The following ANKRD45 variants were observed in gnomAD, a reference collection of about 807,000 sequenced individuals.
ANKRD45 encodes ankyrin repeat domain-containing protein 45.
ANKRD45 carries 21 observed loss-of-function variants against 28.1 expected under a neutral mutation model. The ratio of observed to expected loss-of-function variants is 0.75; its 90% CI spans 0.53 to 1.08. The LOEUF (loss-of-function observed/expected upper bound fraction) is 1.08, where lower values mean the gene tolerates loss of function less well. Among genes scored for constraint, ANKRD45 ranks in the 50% least tolerant of loss-of-function variants. The pLI is 0.00. For missense variants in ANKRD45, 261 were observed against 308.7 expected, an observed-to-expected ratio of 0.85 and a Z score of 1.16; for synonymous variants, 86 against 103.9, an observed-to-expected ratio of 0.83 and a Z score of 1.05.
intron 3 of ANKRD45, among the ~76,000 whole-genome samples, chr1:173,641,641 C>A (rs574129110): frequency 2.4e-4 from 37 of 152,256 alleles, no homozygotes; most frequent in Admixed American, 8.5e-4. Flanking sequence ...TACTTGTGCT[C>A]TAATCCAATT....
Position 173,608,487 on chromosome 1 carries a change from T to A in ANKRD45, c.*1658A>T, listed in dbSNP as rs1292374209. ...CACGTGCCACCACATACAGCTAAAT[T>A]TTTGTATTTTTAGTAGAGACAGGGT... On this transcript the variant is annotated 3_prime_UTR_variant, in exon 6 of 6. Transcript: ENST00000333279. Among the ~76,000 whole-genome samples, 1 of 151,732 alleles carries A rather than the reference T, an allele frequency of 6.6e-6. No homozygotes were observed. Among genetic ancestry groups the A allele is most frequent in the African/African-American group, 2.4e-5 (1 of 41,284 alleles).
the ANKRD45 span, among the ~76,000 whole-genome samples, chr1:173,711,641 C>T: frequency 4.4e-4 from 67 of 152,262 alleles, 1 homozygote; most frequent in Middle Eastern, 6.8e-3. Context: ...ATTTTCCTTT[C>T]ACACACCCAA....
In ANKRD45 at chr1:173,625,037, C is replaced by G. The variant is rs1221275292; in HGVS notation, c.592-112G>C. On this transcript the variant is annotated intron_variant, in intron 4 of 5. Coordinates refer to ENST00000333279, the MANE Select transcript of ANKRD45 (RefSeq NM_198493.3). Reference sequence around the variant, plus strand: ...AACTTTCTGTGATGATAGAAATATTCTGTACCTGCATTGTCCAATACAGTA... The same window carrying G: ...AACTTTCTGTGATGATAGAAATATTGTGTACCTGCATTGTCCAATACAGTA... 5.3e-6 allele frequency: 6 copies of G among 1,139,582 alleles called. No homozygotes were observed. The East Asian group carries it at 1.2e-4, about 23-fold the overall frequency. 70.6% of individuals were successfully genotyped at this position (1,139,582 alleles called of 1,614,324 possible).
intron 2 of ANKRD45, among the ~76,000 whole-genome samples, chr1:173,655,520 T>C (rs1180003402): frequency 4.6e-5 from 7 of 152,146 alleles, no homozygotes; most frequent in Admixed American, 3.9e-4. Context: ...CTGTATGAGG[T>C]GTCAGTCGGC....
the ANKRD45 span, among the ~76,000 whole-genome samples, chr1:173,694,489 T>C: frequency 2.8e-4 from 43 of 151,676 alleles, no homozygotes; most frequent in African/African-American, 1.0e-3. Flanking sequence ...ATAAACCAGA[T>C]GGAAGGTAGT....
intron 3 of ANKRD45, among the ~76,000 whole-genome samples, chr1:173,630,502 A>C (rs977953697): frequency 2.6e-5 from 4 of 152,270 alleles, no homozygotes; most frequent in African/African-American, 9.6e-5. Flanking sequence ...TCAGTCTAAA[A>C]TAATGAACTA....
At chr1:173,617,293 G>C (rs940249841) in intron 5 of ANKRD45, among the ~76,000 whole-genome samples, 2 of 152,138 alleles carry the variant, frequency 1.3e-5, no homozygotes, top group African/African-American at 4.8e-5. Flanking sequence ...CCACTTCCAC[G>C]GCACTTCACA....
At chr1:173,699,875 C>T in the ANKRD45 span, among the ~76,000 whole-genome samples, 2 of 152,140 alleles carry the variant, frequency 1.3e-5, no homozygotes, top group Admixed American at 6.6e-5. Context: ...AAGAGGAAGT[C>T]AAATTGTCCC....
the ANKRD45 span, among the ~76,000 whole-genome samples, chr1:173,701,531 A>C: frequency 6.6e-6 from 1 of 152,236 alleles, no homozygotes; most frequent in Non-Finnish European, 1.5e-5. Context: ...GACACGGATG[A>C]AGCTGGAAAC....
At chr1:173,680,792 A>G in the ANKRD45 span, among the ~76,000 whole-genome samples, 1 of 152,078 alleles carries the variant, frequency 6.6e-6, no homozygotes, top group Non-Finnish European at 1.5e-5. Flanking sequence ...CAGCCATAAA[A>G]AAAGGATGAA....
At chr1:173,700,360 C>CAAAAAGAG in the ANKRD45 span, among the ~76,000 whole-genome samples, 1 of 152,158 alleles carries the variant, frequency 6.6e-6, no homozygotes, top group African/African-American at 2.4e-5. Flanking sequence ...GCTTGCATTG[C>CAAAAAGAG]CAAGACAGTC....
At chr1:173,678,608 T>C in the ANKRD45 span, among the ~76,000 whole-genome samples, 1 of 152,176 alleles carries the variant, frequency 6.6e-6, no homozygotes, top group African/African-American at 2.4e-5. Context: ...GCCAATATCA[T>C]ACTGAATGGT....
the ANKRD45 span, among the ~76,000 whole-genome samples, chr1:173,699,027 G>C: frequency 6.6e-6 from 1 of 152,082 alleles, no homozygotes; most frequent in Non-Finnish European, 1.5e-5. Context: ...ACTACCATCA[G>C]AGAATACTAT....
chr1:173,671,653 G>A (rs1000294839), upstream of ANKRD45, among the ~76,000 whole-genome samples: 6 of 151,200 alleles, frequency 4.0e-5, no homozygotes, highest in African/African-American at 1.5e-4. Context: ...GGCGGATCAT[G>A]AAGTCAGGAG....
chr1:173,649,143 T>C (rs966843344), intron 2 of ANKRD45, among the ~76,000 whole-genome samples: 67 of 152,340 alleles, frequency 4.4e-4, no homozygotes, highest in African/African-American at 1.5e-3. Context: ...ATTGTTTATT[T>C]CCAATGATTA....
the ANKRD45 span, among the ~76,000 whole-genome samples, chr1:173,706,928 A>C: frequency 6.6e-6 from 1 of 152,118 alleles, no homozygotes; most frequent in South Asian, 2.1e-4. Flanking sequence ...ATTCTTCCCC[A>C]CAGTTGTGTC....
the ANKRD45 span, among the ~76,000 whole-genome samples, chr1:173,676,834 CAAA>C: frequency 4.0e-5 from 4 of 98,782 alleles, no homozygotes; most frequent in Admixed American, 1.2e-4. Context: ...GACTCCATCT[CAAA>C]AAAAAAAAAA....
chr1:173,681,179 A>C, the ANKRD45 span, among the ~76,000 whole-genome samples: 1 of 152,252 alleles, frequency 6.6e-6, no homozygotes, highest in South Asian at 2.1e-4. Flanking sequence ...TTTGGGTTTT[A>C]AAAAAATTAG....
chr1:173,666,396 G>C (rs754681165), intron 1 of ANKRD45, among the ~76,000 whole-genome samples: 1 of 151,924 alleles, frequency 6.6e-6, no homozygotes, highest in African/African-American at 2.4e-5. Flanking sequence ...AGTATTCATG[G>C]GGGGATTGAT....
Sources: allele counts gnomAD v4.1 joint callset (sites outside exome capture counted in the v4.1 genomes callset), GRCh38; gene constraint gnomAD v4.1.1; transcripts MANE v1.5; gene names NCBI Gene and HGNC (gene_info 2026-07-23, HGNC 2026-07-21).